SIPA1L3: variants seen among roughly 807,000 people sequenced by gnomAD.
The protein encoded by SIPA1L3 is signal-induced proliferation-associated 1-like protein 3.
In SIPA1L3, 59 loss-of-function variants were observed where a neutral mutation model predicts 150.1. The ratio of observed to expected loss-of-function variants is 0.39; its 90% CI spans 0.32 to 0.49. The LOEUF is 0.49. Among genes scored for constraint, SIPA1L3 ranks in the 20% least tolerant of loss-of-function variants. The pLI, the probability that SIPA1L3 is intolerant of heterozygous loss-of-function variation, is 0.86. For synonymous variants in SIPA1L3, 1,070 were observed against 1,077.6 expected, an observed-to-expected ratio of 0.99 and a Z score of 0.14; for missense variants, 2,211 against 2,489.5, an observed-to-expected ratio of 0.89 and a Z score of 2.38.
At chr19:37,959,614 T>A (rs183138353) in intron 1 of SIPA1L3, among the ~76,000 whole-genome samples, 9 of 152,314 alleles carry the variant, frequency 5.9e-5, no homozygotes, top group Admixed American at 5.2e-4. Context: ...TGATGGTGAA[T>A]TACACACTTT....
chr19:38,040,955 G>A (rs867423355), intron 2 of SIPA1L3, among the ~76,000 whole-genome samples: 4 of 151,884 alleles, frequency 2.6e-5, no homozygotes, highest in South Asian at 2.1e-4. Flanking sequence ...AGTAGAGACG[G>A]GGTTTCACCG....
rs1256577770 is a variant in SIPA1L3, at chr19:38,177,205, G to GA, written c.4209-5308dup. Among the ~76,000 whole-genome samples, 3 of 151,036 alleles carry GA rather than the reference G, an allele frequency of 2.0e-5. No individual in the cohort carries two copies. In the East Asian group the frequency reaches 5.9e-4, roughly 30 times the overall value. ...TGAAACCCCATCTCTACCAAAAATAGAAAAAACTAGCCAGGTGTGGTGGTG... is the reference window on the plus strand; with the variant it reads ...TGAAACCCCATCTCTACCAAAAATAGAAAAAAACTAGCCAGGTGTGGTGGTG... On this transcript the variant is annotated intron_variant, in intron 15 of 21. Coordinates refer to ENST00000222345, the MANE Select transcript of SIPA1L3 (RefSeq NM_015073.3).
chr19:38,001,565 A>G (rs539316250), intron 1 of SIPA1L3, among the ~76,000 whole-genome samples: 3 of 152,222 alleles, frequency 2.0e-5, no homozygotes, highest in African/African-American at 7.2e-5. Context: ...AGCTATGACC[A>G]CAGGCATGTG....
intron 2 of SIPA1L3, among the ~76,000 whole-genome samples, chr19:38,072,704 G>A (rs754446441): frequency 1.3e-5 from 2 of 152,248 alleles, no homozygotes; most frequent in Non-Finnish European, 2.9e-5. Context: ...TAGCCCATTG[G>A]GTGGCCATTG....
At chr19:37,991,264 A>T (rs1967502340) in intron 1 of SIPA1L3, among the ~76,000 whole-genome samples, 1 of 152,188 alleles carries the variant, frequency 6.6e-6, no homozygotes, top group Admixed American at 6.5e-5. Context: ...GAAAGTGCTT[A>T]TTGGCCTTTT....
chr19:38,176,433 G>A lies in SIPA1L3; in HGVS notation c.4209-6086G>A, dbSNP rs139169310. Among the ~76,000 whole-genome samples the A allele has an allele frequency of 2.2e-3, 326 of 151,248 alleles. 2 individuals are homozygous for A. The highest frequency in any genetic ancestry group is 7.5e-3 in the African/African-American group (310 of 41,172). On this transcript the variant is annotated intron_variant, in intron 15 of 21. Transcript: ENST00000222345. ...GTTTTTTTTGAGTGATGGGGACTCT[G>A]TCACCCAAGCTGGAATCCAATGGTG...
At chr19:38,206,027 CAG>C in intron 21 of SIPA1L3, 68 bp from the exon 22 acceptor site, 9 of 1,463,394 alleles carry the variant, frequency 6.2e-6, no homozygotes, top group South Asian at 4.1e-5. Flanking sequence ...TCACAGGCCT[CAG>C]GGAGCCATCG....
intron 1 of SIPA1L3, among the ~76,000 whole-genome samples, chr19:37,975,069 C>G (rs927161454): frequency 5.3e-5 from 8 of 152,168 alleles, no homozygotes; most frequent in African/African-American, 1.9e-4. Context: ...ACGGTGCCTA[C>G]CAGACTCCAG....
chr19:38,202,941 A>G (rs567153931), intron 20 of SIPA1L3, among the ~76,000 whole-genome samples: 60 of 152,302 alleles, frequency 3.9e-4, no homozygotes, highest in African/African-American at 1.4e-3. Flanking sequence ...TTGGCAGAAA[A>G]CAAAATTAAA....
intron 2 of SIPA1L3, among the ~76,000 whole-genome samples, chr19:38,058,214 C>T (rs1244039046): frequency 1.3e-5 from 2 of 152,176 alleles, no homozygotes; most frequent in Non-Finnish European, 2.9e-5. Context: ...GCAAACAGAA[C>T]AGCAGGCCCT....
intron 18 of SIPA1L3, among the ~76,000 whole-genome samples, chr19:38,195,322 G>A (rs967580431): frequency 1.3e-5 from 2 of 152,176 alleles, no homozygotes; most frequent in Admixed American, 6.5e-5. Flanking sequence ...TCTAAGCCCT[G>A]GACTGGGTCC....
intron 1 of SIPA1L3, among the ~76,000 whole-genome samples, chr19:37,985,794 C>T (rs1011808918): frequency 5.9e-5 from 9 of 152,254 alleles, no homozygotes; most frequent in African/African-American, 1.9e-4. Flanking sequence ...GTGGTGGGCC[C>T]AGAGGCCGGG....
chr19:37,943,648 G>T (rs1437204045), intron 1 of SIPA1L3, among the ~76,000 whole-genome samples: 1 of 152,168 alleles, frequency 6.6e-6, no homozygotes, highest in African/African-American at 2.4e-5. Context: ...AACTGATTGG[G>T]CTGAAAGTGT....
At chr19:38,088,094 C>T (rs569536538) in intron 3 of SIPA1L3, among the ~76,000 whole-genome samples, 2 of 152,224 alleles carry the variant, frequency 1.3e-5, no homozygotes, top group African/African-American at 2.4e-5. Flanking sequence ...GGGCCCCTAT[C>T]GTGGTCCCTG....
chr19:38,047,903 C>T lies in SIPA1L3; in HGVS notation c.-311+18747C>T, dbSNP rs1217957742. Among the ~76,000 whole-genome samples the T allele has an allele frequency of 6.6e-6, 1 of 152,172 alleles. No individual in the cohort carries two copies. Among genetic ancestry groups the T allele is most frequent in the African/African-American group, 2.4e-5 (1 of 41,418 alleles). ...CAGTCAGCTGGGGATTAACCCCCTG[C>T]CGTCATCAGGAGAAATACAACATGG... is the stretch of plus-strand genomic sequence containing the variant. On this transcript the variant is annotated intron_variant, in intron 2 of 21. Transcript: ENST00000222345. The surrounding 1 kb of genome is among the most constrained non-coding windows in gnomAD (Gnocchi z 4.7).
intron 1 of SIPA1L3, among the ~76,000 whole-genome samples, chr19:37,946,286 C>T (rs73031228): frequency 0.012 from 1,893 of 151,808 alleles, 17 homozygotes; most frequent in Middle Eastern, 0.027. Context: ...GCTTCTTTCC[C>T]TCCCCACACT....
chr19:38,101,328 A>G (rs1970498235), intron 6 of SIPA1L3, 102 bp downstream of exon 6: 1 of 803,248 alleles, frequency 1.2e-6, no homozygotes, highest in Middle Eastern at 3.5e-4. Context: ...GACGTGGAGC[A>G]GTGGGAGCTC....
chr19:38,131,186 G>T (rs1283461419), intron 10 of SIPA1L3, among the ~76,000 whole-genome samples: 4 of 152,234 alleles, frequency 2.6e-5, no homozygotes, highest in African/African-American at 9.6e-5. Context: ...CTCCCTTGCG[G>T]TTTGTGTTCT....
intron 2 of SIPA1L3, among the ~76,000 whole-genome samples, chr19:38,071,117 T>G (rs1414673247): frequency 6.6e-6 from 1 of 152,190 alleles, no homozygotes; most frequent in Non-Finnish European, 1.5e-5. Flanking sequence ...CTGCTTGCCT[T>G]GGGTCACAGA....
Sources: allele counts gnomAD v4.1 joint callset (sites outside exome capture counted in the v4.1 genomes callset), GRCh38; gene constraint gnomAD v4.1.1; non-coding constraint Gnocchi (gnomAD v3.1); transcripts MANE v1.5; gene names NCBI Gene and HGNC (gene_info 2026-07-23, HGNC 2026-07-21).